CCSER1: variants seen among roughly 807,000 people sequenced by gnomAD.
CCSER1 encodes the protein coiled-coil serine rich protein 1, also known as serine-rich coiled-coil domain-containing protein 1.
Under a neutral mutation model 82.0 loss-of-function variants are expected in CCSER1, and 41 were observed. The ratio of observed to expected loss-of-function variants is 0.50; its 90% CI spans 0.39 to 0.65. The LOEUF (loss-of-function observed/expected upper bound fraction) is 0.65. Ranked by LOEUF, CCSER1 falls within the 30% of genes least tolerant of loss-of-function variation. CCSER1 has a pLI of 0.00. For synonymous variants in CCSER1, 414 were observed against 383.9 expected (o/e 1.08, Z -0.92); for missense variants, 1,119 against 1,064.2 (o/e 1.05, Z -0.72).
chr4:90,142,386 C>A (rs894385061), intron 1 of CCSER1, among the ~76,000 whole-genome samples: 6 of 152,226 alleles, frequency 3.9e-5, no homozygotes, highest in African/African-American at 1.4e-4. Flanking sequence ...ACCTGCTTGG[C>A]ACCAGACAAT....
At chr4:91,312,614 C>T (rs972896883) in intron 10 of CCSER1, among the ~76,000 whole-genome samples, 1 of 151,788 alleles carries the variant, frequency 6.6e-6, no homozygotes, top group Non-Finnish European at 1.5e-5. Context: ...GCAATACAGA[C>T]TGGTGGACTT....
rs1233938806 is a variant in CCSER1 at position 90,932,972 on chromosome 4, AAG to A, written c.2172+9527_2172+9528del. 1.2e-4 allele frequency among the ~76,000 whole-genome samples: 5 copies of A among 40,104 alleles called. 1 individual carries two copies. The highest frequency in any genetic ancestry group is 6.8e-4 in the South Asian group (1 of 1,470). 26.3% of individuals were successfully genotyped at this position (40,104 alleles called of 152,430 possible). ...AAAGAAAGAAAGAAAGAAAGAAAGA[AAG>A]AAAGAAAGAGAAAGAAAGAAAGAAA... is the stretch of plus-strand genomic sequence containing the variant. On this transcript the variant is annotated intron_variant, in intron 9 of 10. Coordinates refer to ENST00000509176, the MANE Select transcript of CCSER1 (RefSeq NM_001145065.2).
At position 91,367,013 on chromosome 4, in the gene CCSER1, G is replaced by C. The variant is rs549960757; in HGVS notation, c.2218-231559G>C. On this transcript the variant is annotated intron_variant, in intron 10 of 10. Transcript: ENST00000509176. ...TTTTTAAAAAGTCAAAATATTAAGA[G>C]CTGAGCACAGTGGCTCTTGCCTATA... Among the ~76,000 whole-genome samples the C allele has an allele frequency of 1.4e-4, 21 of 151,622 alleles. 1 individual carries two copies. Among genetic ancestry groups the C allele is most frequent in the African/African-American group, 4.8e-4 (20 of 41,302 alleles).
chr4:90,541,192 T>A (rs184933606), intron 5 of CCSER1, among the ~76,000 whole-genome samples: 2 of 151,984 alleles, frequency 1.3e-5, no homozygotes, highest in East Asian at 3.9e-4. Context: ...GATGTAGAAA[T>A]TGCTGAGTAT....
chr4:91,121,326 T>A (rs1397935270), intron 10 of CCSER1, among the ~76,000 whole-genome samples: 2 of 151,984 alleles, frequency 1.3e-5, no homozygotes, highest in East Asian at 3.9e-4. Context: ...TTTTGAATAT[T>A]AATAATACTG....
chr4:90,738,722 C>A (rs749724014), intron 7 of CCSER1, among the ~76,000 whole-genome samples: 9 of 152,300 alleles, frequency 5.9e-5, no homozygotes, highest in Non-Finnish European at 1.0e-4. Context: ...CTTCACGGCA[C>A]TGAGTTTCTC....
intron 8 of CCSER1, among the ~76,000 whole-genome samples, chr4:90,903,628 A>G (rs570060533): frequency 2.0e-4 from 31 of 152,226 alleles, no homozygotes; most frequent in African/African-American, 7.2e-4. Flanking sequence ...AGGCACCACA[A>G]TATGATTAGA....
At chr4:91,314,097 A>T (rs1745670415) in intron 10 of CCSER1, among the ~76,000 whole-genome samples, 1 of 151,964 alleles carries the variant, frequency 6.6e-6, no homozygotes, top group Non-Finnish European at 1.5e-5. Flanking sequence ...CTATTCCATA[A>T]ATCAATGCCT....
At chr4:91,218,390 C>T (rs903337715) in intron 10 of CCSER1, among the ~76,000 whole-genome samples, 1 of 152,160 alleles carries the variant, frequency 6.6e-6, no homozygotes, top group Admixed American at 6.5e-5. Flanking sequence ...TGGGCTCCAG[C>T]CTTGGCCAGC....
chr4:90,320,602 C>T (rs1736973439), intron 3 of CCSER1, among the ~76,000 whole-genome samples: 1 of 152,128 alleles, frequency 6.6e-6, no homozygotes, highest in African/African-American at 2.4e-5. Flanking sequence ...AATATAATAT[C>T]TTGGTCAAAT....
intron 10 of CCSER1, among the ~76,000 whole-genome samples, chr4:91,334,707 G>A (rs1747199964): frequency 6.6e-6 from 1 of 152,100 alleles, no homozygotes; most frequent in Non-Finnish European, 1.5e-5. Flanking sequence ...CCACATTTAA[G>A]TGAGTAAGTG....
At chr4:90,702,223 T>G (rs1355129450) in intron 6 of CCSER1, among the ~76,000 whole-genome samples, 5 of 152,116 alleles carry the variant, frequency 3.3e-5, no homozygotes, top group Non-Finnish European at 1.5e-5. Context: ...CTGCATCCAT[T>G]GAGATAATCG....
chr4:91,595,709 C>G (rs1764531233), intron 10 of CCSER1, among the ~76,000 whole-genome samples: 1 of 151,948 alleles, frequency 6.6e-6, no homozygotes, highest in Non-Finnish European at 1.5e-5. Flanking sequence ...GTTCACTAAA[C>G]TAGAAAGTGT....
chr4:91,126,545 G>A (rs1213606100), intron 10 of CCSER1, among the ~76,000 whole-genome samples: 1 of 151,916 alleles, frequency 6.6e-6, no homozygotes, highest in Admixed American at 6.6e-5. Context: ...GTCAGAGAAT[G>A]TTGCAAGAAT....
At chr4:90,782,681 C>CTTT (rs200701722) in intron 7 of CCSER1, among the ~76,000 whole-genome samples, 2,593 of 123,740 alleles carry the variant, frequency 0.021, 197 homozygotes, top group African/African-American at 0.07. Context: ...TCTTTTCTTT[C>CTTT]TTTCTTTTTT....
Position 91,601,341 on chromosome 4 carries a change from GAAGGGTATTTTTTGGAAATATCATCTTA to G in CCSER1, c.*2288_*2315del, listed in dbSNP as rs1470722331. The G allele has an allele frequency of 7.2e-5, 11 of 151,978 alleles. 1 individual carries two copies. In the South Asian group the frequency reaches 1.0e-3, roughly 14 times the overall value. The allele number at this position is 151,978 out of a possible 1,614,324, so 9.4% of individuals were successfully genotyped here. A position where few individuals can be genotyped will look rare whatever the true frequency, so the allele number is the denominator to read the frequency against. On this transcript the variant is annotated 3_prime_UTR_variant, in exon 11 of 11. Coordinates refer to ENST00000509176, the MANE Select transcript of CCSER1 (RefSeq NM_001145065.2). ...GGATTAAACAGTTCGATTTTAAAAG[GAAGGGTATTTTTTGGAAATATCATCTTA>G]AAGCTGTTTTGTATCAGTATTTTCA... is the stretch of plus-strand genomic sequence containing the variant.
At chr4:90,980,909 G>A (rs750214655) in intron 9 of CCSER1, among the ~76,000 whole-genome samples, 3 of 151,670 alleles carry the variant, frequency 2.0e-5, no homozygotes, top group Admixed American at 6.6e-5. Flanking sequence ...TAGAATTTCC[G>A]GTAGCGCATG....
At chr4:91,521,948 C>A (rs1037867084) in intron 10 of CCSER1, among the ~76,000 whole-genome samples, 1 of 152,128 alleles carries the variant, frequency 6.6e-6, no homozygotes, top group African/African-American at 2.4e-5. Flanking sequence ...GACATGAAGT[C>A]CTTGCCCATG....
At chr4:90,524,995 A>G (rs952023232) in intron 5 of CCSER1, among the ~76,000 whole-genome samples, 2 of 152,296 alleles carry the variant, frequency 1.3e-5, no homozygotes, top group African/African-American at 4.8e-5. Flanking sequence ...AAATGACTGA[A>G]CAATCTTACA....
Sources: allele counts gnomAD v4.1 joint callset (sites outside exome capture counted in the v4.1 genomes callset), GRCh38; gene constraint gnomAD v4.1.1; transcripts MANE v1.5; gene names NCBI Gene and HGNC (gene_info 2026-07-23, HGNC 2026-07-21).